GRM5: variants seen among roughly 807,000 people sequenced by gnomAD.
GRM5 encodes metabotropic glutamate receptor 5.
GRM5 carries 19 observed loss-of-function variants against 83.1 expected under a neutral mutation model. The ratio of observed to expected loss-of-function variants is 0.23; its 90% CI spans 0.16 to 0.34. The LOEUF is 0.34. GRM5 is among the 10% of genes least tolerant of loss of function. The probability of loss-of-function intolerance (pLI) is 1.00; values close to 1 mark genes in which losing one functional copy is unlikely to be tolerated. For missense variants in GRM5, 1,160 were observed against 1,588.3 expected, an observed-to-expected ratio of 0.73 and a Z score of 4.58; for synonymous variants, 675 against 633.6, an observed-to-expected ratio of 1.07 and a Z score of -0.98.
intron 8 of GRM5, among the ~76,000 whole-genome samples, chr11:88,560,766 C>T (rs1942736534): frequency 6.6e-6 from 1 of 152,100 alleles, no homozygotes; most frequent in South Asian, 2.1e-4. Context: ...ACGCTGAAGA[C>T]AGCATTAGAT....
At chr11:89,063,311 A>G (rs1380029788) in intron 1 of GRM5, among the ~76,000 whole-genome samples, 1 of 152,024 alleles carries the variant, frequency 6.6e-6, no homozygotes, top group African/African-American at 2.4e-5. Context: ...AGGTTTAATT[A>G]AGGCTGTTCG....
At chr11:88,606,536 A>G (rs553874690) in intron 4 of GRM5, among the ~76,000 whole-genome samples, 4 of 152,266 alleles carry the variant, frequency 2.6e-5, no homozygotes, top group Admixed American at 2.6e-4. Flanking sequence ...AAACAAAACA[A>G]ACAACCAAAA....
At chr11:89,006,947 G>A (rs1940547341) in intron 2 of GRM5, among the ~76,000 whole-genome samples, 1 of 152,178 alleles carries the variant, frequency 6.6e-6, no homozygotes, top group East Asian at 1.9e-4. Context: ...ACAGGCGCCC[G>A]CCACCACACC....
In GRM5 at chr11:88,915,136, TA is replaced by T. The variant is rs919021240; in HGVS notation, c.662-64982del. On this transcript the variant is annotated intron_variant, in intron 2 of 9. Transcript: ENST00000305447. The stretch of plus-strand genomic sequence containing the variant: ...CTACTTCTGCCTACTCTTTGTAGAA[TA>T]AAAAAAAATCTAATTTTTAGTTATA... Among the ~76,000 whole-genome samples, 581 of 151,470 alleles carry T rather than the reference TA, an allele frequency of 3.8e-3. 3 individuals are homozygous for T. Among genetic ancestry groups the T allele is most frequent in the African/African-American group, 0.013 (535 of 41,316 alleles).
chr11:88,728,337 T>C (rs1591471368), intron 3 of GRM5, among the ~76,000 whole-genome samples: 2 of 151,874 alleles, frequency 1.3e-5, no homozygotes, highest in Non-Finnish European at 2.9e-5. Context: ...AGAGTTCAAA[T>C]CCCTGAATAG....
At chr11:88,928,409 T>G (rs951812483) in intron 2 of GRM5, among the ~76,000 whole-genome samples, 14 of 151,796 alleles carry the variant, frequency 9.2e-5, no homozygotes, top group African/African-American at 3.1e-4. Flanking sequence ...AATCCATAAG[T>G]GTACCAAGTT....
chr11:88,945,316 G>A (rs1938243738), intron 2 of GRM5, among the ~76,000 whole-genome samples: 1 of 151,970 alleles, frequency 6.6e-6, no homozygotes, highest in South Asian at 2.1e-4. Flanking sequence ...TGGACATACT[G>A]CTCAAAGCAA....
intron 2 of GRM5, among the ~76,000 whole-genome samples, chr11:88,998,771 T>C (rs1465796360): frequency 2.0e-5 from 3 of 152,228 alleles, no homozygotes; most frequent in African/African-American, 7.2e-5. Context: ...ATCAAATGTA[T>C]TTTTATATAC....
intron 3 of GRM5, among the ~76,000 whole-genome samples, chr11:88,662,442 G>C (rs548875441): frequency 6.6e-6 from 1 of 152,190 alleles, no homozygotes; most frequent in African/African-American, 2.4e-5. Context: ...AAAATGTGTA[G>C]GTAAGATTCT....
chr11:88,909,589 C>G (rs1263315458), intron 2 of GRM5, among the ~76,000 whole-genome samples: 1 of 150,348 alleles, frequency 6.7e-6, no homozygotes, highest in South Asian at 2.1e-4. Context: ...ATTTTCATCT[C>G]TAGCTTGTTT....
At chr11:88,703,655 G>A (rs1177323189) in intron 3 of GRM5, among the ~76,000 whole-genome samples, 1 of 152,014 alleles carries the variant, frequency 6.6e-6, no homozygotes. Flanking sequence ...CGATATTCTT[G>A]TGATAATCAG....
intron 3 of GRM5, among the ~76,000 whole-genome samples, chr11:88,730,573 G>A (rs1031393895): frequency 6.6e-6 from 1 of 152,122 alleles, no homozygotes; most frequent in African/African-American, 2.4e-5. Flanking sequence ...GCACACATAT[G>A]TTTATTGCAG....
intron 1 of GRM5, among the ~76,000 whole-genome samples, chr11:89,054,433 T>C (rs761595519): frequency 6.6e-6 from 1 of 152,118 alleles, no homozygotes; most frequent in African/African-American, 2.4e-5. Context: ...ATATATCAAG[T>C]TGCACATACT....
At chr11:88,731,209 G>C (rs955052964) in intron 3 of GRM5, among the ~76,000 whole-genome samples, 2 of 151,814 alleles carry the variant, frequency 1.3e-5, no homozygotes, top group African/African-American at 4.8e-5. Context: ...CTTCATTCCT[G>C]CCCACTTCTC....
intron 2 of GRM5, among the ~76,000 whole-genome samples, chr11:88,927,420 G>C (rs1271526925): frequency 6.6e-6 from 1 of 152,046 alleles, no homozygotes; most frequent in Non-Finnish European, 1.5e-5. Flanking sequence ...TAAAGTAAAA[G>C]AAAACCCTCA....
chr11:88,506,591 G>A lies in GRM5; in HGVS notation c.*2001C>T, dbSNP rs943498396. 6.6e-5 allele frequency: 10 copies of A among 152,294 alleles called. No individual in the cohort carries two copies. In the East Asian group the frequency reaches 1.9e-3, roughly 29 times the overall value. The allele number at this position is 152,294 out of a possible 1,614,324, so 9.4% of individuals were successfully genotyped here. On this transcript the variant is annotated 3_prime_UTR_variant, in exon 10 of 10. Coordinates refer to ENST00000305447, the MANE Select transcript of GRM5 (RefSeq NM_001143831.3). Reference sequence around the variant, plus strand: ...GTGTAATATTTGGGATCAGGGTGCTGTGATGATGTTATTTTCAAATCTAGC... The same window carrying A: ...GTGTAATATTTGGGATCAGGGTGCTATGATGATGTTATTTTCAAATCTAGC...
intron 2 of GRM5, among the ~76,000 whole-genome samples, chr11:89,020,107 G>T (rs7103037): frequency 0.071 from 10,768 of 152,116 alleles, 1,240 homozygotes; most frequent in African/African-American, 0.25. Flanking sequence ...CTATTCCAGG[G>T]GCTGAATATA....
intron 3 of GRM5, among the ~76,000 whole-genome samples, chr11:88,656,600 G>A (rs1017022828): frequency 2.6e-5 from 4 of 151,896 alleles, no homozygotes; most frequent in African/African-American, 7.3e-5. Context: ...TTGCATGTTC[G>A]TGTTTTTTAT....
At chr11:88,795,742 C>G (rs927703821) in intron 3 of GRM5, among the ~76,000 whole-genome samples, 2 of 152,118 alleles carry the variant, frequency 1.3e-5, no homozygotes, top group Admixed American at 6.6e-5. Flanking sequence ...TAGTAAGCAG[C>G]TGAACTGAGT....
Sources: allele counts gnomAD v4.1 joint callset (sites outside exome capture counted in the v4.1 genomes callset), GRCh38; gene constraint gnomAD v4.1.1; transcripts MANE v1.5; gene names NCBI Gene and HGNC (gene_info 2026-07-23, HGNC 2026-07-21).